The following CDH13 variants were observed in gnomAD, a reference collection of about 807,000 sequenced individuals.
CDH13 encodes cadherin-13.
A neutral mutation model predicts 63.8 loss-of-function variants in CDH13; 24 were observed. The ratio of observed to expected loss-of-function variants is 0.38; its 90% confidence interval spans 0.27 to 0.53. CDH13 has a LOEUF of 0.53. CDH13 is among the 20% of genes least tolerant of loss of function. CDH13 has a pLI of 0.85. For synonymous variants in CDH13, 503 were observed against 355.3 expected (o/e 1.42, Z -4.67); for missense variants, 1,049 against 903.1 (o/e 1.16, Z -2.07).
intron 10 of CDH13, among the ~76,000 whole-genome samples, chr16:83,687,968 T>G (rs1338154874): frequency 6.6e-6 from 1 of 152,250 alleles, no homozygotes; most frequent in East Asian, 1.9e-4. Flanking sequence ...GTCGTTTCCT[T>G]CCTCCTCATC....
intron 6 of CDH13, among the ~76,000 whole-genome samples, chr16:83,367,093 T>C (rs1250088266): frequency 3.9e-5 from 6 of 152,192 alleles, no homozygotes; most frequent in Admixed American, 2.6e-4. Context: ...ACTCCCAAAA[T>C]GAAATTCTGG....
chr16:82,710,147 T>C lies in CDH13; in HGVS notation c.45+83010T>C, dbSNP rs557101436. 2.4e-4 allele frequency among the ~76,000 whole-genome samples: 35 copies of C among 147,612 alleles called. No individual in the cohort carries two copies. In the South Asian group the frequency reaches 7.1e-3, roughly 30 times the overall value. ...TTAATATATAATATATAGTTCTATA[T>C]AAATATATTTTAAATTTATAAATTT... is the stretch of plus-strand genomic sequence containing the variant. On this transcript the variant is annotated intron_variant, in intron 1 of 13. Transcript: ENST00000567109.
chr16:83,478,836 GAAAAAAA>G (rs374669824), intron 6 of CDH13, among the ~76,000 whole-genome samples: 208 of 112,292 alleles, frequency 1.9e-3, no homozygotes, highest in African/African-American at 3.8e-3. Flanking sequence ...TTGAAGATGA[GAAAAAAA>G]AAAAAAAAAA....
intron 1 of CDH13, among the ~76,000 whole-genome samples, chr16:82,847,131 A>G (rs1017150512): frequency 6.6e-6 from 1 of 152,144 alleles, no homozygotes; most frequent in Non-Finnish European, 1.5e-5. Flanking sequence ...AATTATATTT[A>G]CATGTTAAAA....
At chr16:82,867,863 G>A (rs2040205031) in intron 2 of CDH13, among the ~76,000 whole-genome samples, 1 of 152,134 alleles carries the variant, frequency 6.6e-6, no homozygotes, top group Admixed American at 6.5e-5. Context: ...AGAATTGCCT[G>A]TTTCCTGAGT....
rs28699445 is a variant in CDH13, at chr16:82,706,994, G to A, written c.45+79857G>A. ...CTACATTTAGGGAGTCCTCTTTTAAGGAAAGGAAAAGGATAGTTAAATCAG... is the reference window on the plus strand; with the variant it reads ...CTACATTTAGGGAGTCCTCTTTTAAAGAAAGGAAAAGGATAGTTAAATCAG... On this transcript the variant is annotated intron_variant, in intron 1 of 13. Transcript: ENST00000567109. Among the ~76,000 whole-genome samples, 297 of 152,266 alleles carry A rather than the reference G, an allele frequency of 2.0e-3. 2 individuals are homozygous for A. Among genetic ancestry groups the A allele is most frequent in the African/African-American group, 6.7e-3 (280 of 41,558 alleles).
At chr16:83,465,117 G>A (rs996048116) in intron 6 of CDH13, among the ~76,000 whole-genome samples, 3 of 152,348 alleles carry the variant, frequency 2.0e-5, no homozygotes, top group Admixed American at 6.5e-5. Flanking sequence ...GGCAAAGAGG[G>A]TTGCGGGGAT....
intron 7 of CDH13, among the ~76,000 whole-genome samples, chr16:83,506,564 A>G (rs2074401960): frequency 6.6e-6 from 1 of 152,170 alleles, no homozygotes; most frequent in Non-Finnish European, 1.5e-5. Flanking sequence ...ACTTTTGCAT[A>G]TTATGGTAGC....
At chr16:83,050,791 T>A (rs974990962) in intron 3 of CDH13, among the ~76,000 whole-genome samples, 6 of 152,174 alleles carry the variant, frequency 3.9e-5, no homozygotes, top group Non-Finnish European at 5.9e-5. Context: ...TCTGAACACC[T>A]GTACCTCATT....
intron 6 of CDH13, among the ~76,000 whole-genome samples, chr16:83,350,112 G>A (rs371589267): frequency 3.3e-5 from 5 of 152,158 alleles, no homozygotes; most frequent in African/African-American, 4.8e-5. Flanking sequence ...GGCACTTGCC[G>A]CCAGCTGTGC....
chr16:83,253,230 A>G (rs1410219095), intron 5 of CDH13, among the ~76,000 whole-genome samples: 1 of 152,166 alleles, frequency 6.6e-6, no homozygotes, highest in African/African-American at 2.4e-5. Context: ...ATGATTCCGT[A>G]AAAGGCTTCC....
intron 13 of CDH13, among the ~76,000 whole-genome samples, chr16:83,784,466 T>A (rs1915744042): frequency 6.6e-6 from 1 of 151,982 alleles, no homozygotes; most frequent in African/African-American, 2.4e-5. Context: ...ACCTTGTGTC[T>A]ACTAAAAATA....
At chr16:82,957,534 C>T (rs1409549080) in intron 2 of CDH13, among the ~76,000 whole-genome samples, 2 of 152,156 alleles carry the variant, frequency 1.3e-5, no homozygotes, top group Non-Finnish European at 2.9e-5. Flanking sequence ...TCAGGTGCCT[C>T]CCAAGTACCC....
At chr16:82,661,995 G>C (rs1368278780) in intron 1 of CDH13, among the ~76,000 whole-genome samples, 1 of 152,156 alleles carries the variant, frequency 6.6e-6, no homozygotes. Context: ...AATTTTAAGG[G>C]CTCCTTTGTC....
At chr16:82,996,866 G>C (rs1213809879) in intron 2 of CDH13, among the ~76,000 whole-genome samples, 2 of 151,956 alleles carry the variant, frequency 1.3e-5, no homozygotes. Context: ...CGGTGGTGGT[G>C]ATGATGATTC....
intron 3 of CDH13, among the ~76,000 whole-genome samples, chr16:83,072,056 T>A (rs2032478019): frequency 6.6e-6 from 1 of 152,254 alleles, no homozygotes; most frequent in East Asian, 1.9e-4. Context: ...AATAGTATAT[T>A]TTATTTAACC....
intron 3 of CDH13, among the ~76,000 whole-genome samples, chr16:83,092,223 C>T (rs992504039): frequency 6.6e-6 from 1 of 152,204 alleles, no homozygotes; most frequent in Admixed American, 6.5e-5. Context: ...CACAATTCTT[C>T]AATAGAGAGC....
intron 1 of CDH13, among the ~76,000 whole-genome samples, chr16:82,799,392 G>A (rs988410350): frequency 2.6e-5 from 4 of 152,146 alleles, no homozygotes; most frequent in Admixed American, 6.5e-5. Flanking sequence ...AGAGTCTAGA[G>A]TAATTTACCG....
At chr16:83,400,850 C>T (rs1471282987) in intron 6 of CDH13, among the ~76,000 whole-genome samples, 2 of 152,242 alleles carry the variant, frequency 1.3e-5, no homozygotes, top group African/African-American at 2.4e-5. Flanking sequence ...ATGGGGATTA[C>T]TTTAAAATTC....
Sources: gnomAD v4.1 joint callset for allele counts (sites outside exome capture counted in the v4.1 genomes callset) on GRCh38, gnomAD v4.1.1 for gene constraint, MANE v1.5 for transcripts, NCBI Gene and HGNC (gene_info 2026-07-23, HGNC 2026-07-21) for gene names.